The following TBC1D19 variants were observed in gnomAD, a reference collection of about 807,000 sequenced individuals.
TBC1D19 encodes TBC1 domain family, member 19.
TBC1D19 carries 60 observed loss-of-function variants against 89.0 expected under a neutral mutation model. The observed-to-expected ratio is 0.67, with a 90% CI of 0.55 to 0.84. TBC1D19 has a LOEUF of 0.84. Ranked by LOEUF, TBC1D19 falls within the 40% of genes least tolerant of loss-of-function variation. The pLI, the probability that TBC1D19 is intolerant of heterozygous loss-of-function variation, is 0.00. For synonymous variants in TBC1D19, 189 were observed against 199.7 expected (o/e 0.95, Z 0.45); for missense variants, 500 against 610.8 (o/e 0.82, Z 1.91).
chr4:26,629,440 C>G (rs1428154623), intron 4 of TBC1D19, among the ~76,000 whole-genome samples: 3 of 152,018 alleles, frequency 2.0e-5, no homozygotes, highest in African/African-American at 4.8e-5. Context: ...CTGAGTCTCT[C>G]TTTTCACCAC....
chr4:26,674,920 T>C (rs375984499), intron 11 of TBC1D19, among the ~76,000 whole-genome samples: 1 of 152,080 alleles, frequency 6.6e-6, no homozygotes, highest in South Asian at 2.1e-4. Flanking sequence ...CCTTGCAAAC[T>C]ATGTATACGT....
chr4:26,781,571 CT>C, the TBC1D19 span, among the ~76,000 whole-genome samples: 1 of 152,108 alleles, frequency 6.6e-6, no homozygotes, highest in Non-Finnish European at 1.5e-5. Flanking sequence ...ATGTTAATAC[CT>C]TTTTAATTAA....
At chr4:26,791,045 A>G in the TBC1D19 span, among the ~76,000 whole-genome samples, 1 of 152,042 alleles carries the variant, frequency 6.6e-6, no homozygotes, top group Non-Finnish European at 1.5e-5. Flanking sequence ...GTGACCTCCT[A>G]CTGGTCAACC....
intron 13 of TBC1D19, among the ~76,000 whole-genome samples, chr4:26,705,122 T>G (rs538687092): frequency 1.4e-3 from 185 of 127,976 alleles, no homozygotes; most frequent in African/African-American, 4.6e-3. Flanking sequence ...AACTTGTTTT[T>G]TTTTGTTGTT....
At chr4:26,749,583 A>T (rs1382797900) in intron 19 of TBC1D19, among the ~76,000 whole-genome samples, 1 of 151,734 alleles carries the variant, frequency 6.6e-6, no homozygotes. Flanking sequence ...AATAGCTGAG[A>T]TTACAGGCGC....
chr4:26,699,576 C>T lies in TBC1D19; in HGVS notation c.954+11169C>T, dbSNP rs144582924. Among the ~76,000 whole-genome samples, 282 of 152,172 alleles carry T rather than the reference C, an allele frequency of 1.9e-3. 5 individuals carry two copies. In the East Asian group the frequency reaches 0.044, roughly 24 times the overall value. ...GGGACATGCACACATATGTTTATTG[C>T]GGCACTATTCACAATAGCAAAGACT... On this transcript the variant is annotated intron_variant, in intron 13 of 20. Transcript: ENST00000264866.
chr4:26,680,700 T>C (rs143035216), intron 11 of TBC1D19, among the ~76,000 whole-genome samples: 167 of 152,338 alleles, frequency 1.1e-3, no homozygotes, highest in Non-Finnish European at 2.0e-3. Flanking sequence ...CACCAAGGAA[T>C]AGTGGACATA....
chr4:26,723,695 G>A (rs1717121938), intron 15 of TBC1D19, among the ~76,000 whole-genome samples: 1 of 152,084 alleles, frequency 6.6e-6, no homozygotes, highest in African/African-American at 2.4e-5. Context: ...AATTTTATAA[G>A]CTTTTTATAT....
chr4:26,639,426 T>A (rs1743344844), intron 6 of TBC1D19, among the ~76,000 whole-genome samples: 1 of 150,338 alleles, frequency 6.7e-6, no homozygotes, highest in Middle Eastern at 3.2e-3. Context: ...TCCAGTGGAT[T>A]TTTGAGATTC....
At chr4:26,826,847 G>C in the TBC1D19 span, among the ~76,000 whole-genome samples, 1 of 152,140 alleles carries the variant, frequency 6.6e-6, no homozygotes, top group African/African-American at 2.4e-5. Context: ...AAAGTGAAGT[G>C]CTATTAGCAA....
the TBC1D19 span, among the ~76,000 whole-genome samples, chr4:26,807,865 A>G: frequency 6.6e-6 from 1 of 152,358 alleles, no homozygotes; most frequent in Non-Finnish European, 1.5e-5. Context: ...AGGCACCATT[A>G]ACTTCAATGT....
chr4:26,693,211 A>G (rs1272127947), intron 13 of TBC1D19, among the ~76,000 whole-genome samples: 1 of 152,184 alleles, frequency 6.6e-6, no homozygotes, highest in Non-Finnish European at 1.5e-5. Flanking sequence ...GAAGTACATC[A>G]GAGGCTTCAC....
intron 13 of TBC1D19, among the ~76,000 whole-genome samples, chr4:26,695,122 G>A (rs979457667): frequency 2.6e-5 from 4 of 152,034 alleles, no homozygotes; most frequent in Admixed American, 6.6e-5. Flanking sequence ...AAGATTAGAC[G>A]AGTGGCTAAC....
At chr4:26,660,049 G>A (rs1411166408) in intron 8 of TBC1D19, among the ~76,000 whole-genome samples, 2 of 152,102 alleles carry the variant, frequency 1.3e-5, no homozygotes, top group Non-Finnish European at 2.9e-5. Flanking sequence ...TTTTAAAAAA[G>A]TACATTTTAT....
At chr4:26,801,903 G>C in the TBC1D19 span, among the ~76,000 whole-genome samples, 1 of 152,140 alleles carries the variant, frequency 6.6e-6, no homozygotes, top group Admixed American at 6.5e-5. Context: ...AAAAATGAGA[G>C]AGATTGATAA....
intron 11 of TBC1D19, among the ~76,000 whole-genome samples, chr4:26,675,840 A>T (rs1301529163): frequency 6.6e-6 from 1 of 152,192 alleles, no homozygotes; most frequent in Non-Finnish European, 1.5e-5. Flanking sequence ...AAGACTTTGG[A>T]TATAATACTT....
chr4:26,623,800 T>A (rs1393566501), intron 4 of TBC1D19, among the ~76,000 whole-genome samples: 2 of 152,214 alleles, frequency 1.3e-5, no homozygotes, highest in Non-Finnish European at 2.9e-5. Context: ...GTGATAATGC[T>A]GATAATGTTG....
the TBC1D19 span, among the ~76,000 whole-genome samples, chr4:26,836,547 G>T: frequency 6.6e-6 from 1 of 152,210 alleles, no homozygotes; most frequent in Non-Finnish European, 1.5e-5. Flanking sequence ...CTCTGTAGAG[G>T]TACGAACAGG....
chr4:26,668,121 T>C (rs1383168309), intron 9 of TBC1D19, among the ~76,000 whole-genome samples: 3 of 151,876 alleles, frequency 2.0e-5, no homozygotes, highest in African/African-American at 7.2e-5. Flanking sequence ...GCCTCCCTCC[T>C]GCCACCTTTG....
Sources: gnomAD v4.1 joint callset for allele counts (sites outside exome capture counted in the v4.1 genomes callset) on GRCh38, gnomAD v4.1.1 for gene constraint, MANE v1.5 for transcripts, NCBI Gene and HGNC (gene_info 2026-07-23, HGNC 2026-07-21) for gene names.